The following ECPAS variants were observed in gnomAD, a reference collection of about 807,000 sequenced individuals.
ECPAS encodes proteasome adapter and scaffold protein ECM29.
Under a neutral mutation model 255.1 loss-of-function variants are expected in ECPAS, and 70 were observed. The observed-to-expected ratio is 0.27, with a 90% CI of 0.23 to 0.33. The LOEUF (loss-of-function observed/expected upper bound fraction) is 0.33, where lower values mean the gene tolerates loss of function less well. Ranked by LOEUF, ECPAS falls within the 10% of genes least tolerant of loss-of-function variation. The pLI is 1.00. For synonymous variants in ECPAS, 784 were observed against 775.0 expected, an observed-to-expected ratio of 1.01 and a Z score of -0.19; for missense variants, 1,817 against 2,206.4, an observed-to-expected ratio of 0.82 and a Z score of 3.54.
chr9:111,413,197 T>C (rs1239709053), intron 20 of ECPAS, among the ~76,000 whole-genome samples: 2 of 152,158 alleles, frequency 1.3e-5, no homozygotes, highest in African/African-American at 2.4e-5. Flanking sequence ...CTAAAACATA[T>C]ACTTCCTCAA....
intron 14 of ECPAS, 31 bp from the exon 15 acceptor site, chr9:111,422,074 T>C: frequency 6.2e-7 from 1 of 1,613,620 alleles, no homozygotes; most frequent in Non-Finnish European, 8.5e-7. Flanking sequence ...TTTCCCTCCT[T>C]GTTGGGTTCC....
At chr9:111,379,525 G>A (rs187542533) in intron 35 of ECPAS, among the ~76,000 whole-genome samples, 147 of 152,326 alleles carry the variant, frequency 9.7e-4, no homozygotes, top group Middle Eastern at 6.8e-3. Flanking sequence ...GAATGCTGGC[G>A]TGGCTGTCGT....
intron 24 of ECPAS, among the ~76,000 whole-genome samples, chr9:111,399,536 T>TA (rs1425931695): frequency 2.0e-5 from 3 of 152,170 alleles, no homozygotes; most frequent in Non-Finnish European, 4.4e-5. Flanking sequence ...AGGGAGCACT[T>TA]AGACCAAATC....
rs148496122 is a variant in ECPAS at position 111,372,810 on chromosome 9, T to C, written c.4337-190A>G. Among the ~76,000 whole-genome samples the C allele has an allele frequency of 3.1e-3, 468 of 152,274 alleles. 5 individuals carry two copies. Among genetic ancestry groups the C allele is most frequent in the African/African-American group, 9.9e-3 (411 of 41,562 alleles). On this transcript the variant is annotated intron_variant, in intron 41 of 49. Transcript: ENST00000684092. ...ACTTTGAGAGGCCAAGGTGAGCAGA[T>C]AGCTTGAGCTCGGGAGTTTAAGACC...
chr9:111,443,512 G>C (rs1426056392), intron 4 of ECPAS, among the ~76,000 whole-genome samples: 1 of 140,774 alleles, frequency 7.1e-6, no homozygotes, highest in Non-Finnish European at 1.6e-5. Context: ...ACCTCCCAAA[G>C]TGCTGGGATT....
intron 1 of ECPAS, 62 bp downstream of exon 1, chr9:111,484,054 G>A (rs974443073): frequency 1.8e-6 from 2 of 1,113,572 alleles, no homozygotes; most frequent in Non-Finnish European, 2.2e-6. Flanking sequence ...GGGCGGCCCG[G>A]CCTAACCGCG....
chr9:111,425,581 G>A, intron 11 of ECPAS, 85 bp from the exon 12 acceptor site: 1 of 1,086,972 alleles, frequency 9.2e-7, no homozygotes, highest in Non-Finnish European at 1.3e-6. Context: ...AATAATGAGA[G>A]ACATAACCGA....
At chr9:111,445,432 G>C (rs2098251604) in intron 3 of ECPAS, among the ~76,000 whole-genome samples, 1 of 151,972 alleles carries the variant, frequency 6.6e-6, no homozygotes, top group Admixed American at 6.6e-5. Flanking sequence ...ACAAGATACA[G>C]TGGGTTTCCA....
chr9:111,432,569 G>A (rs1272927492), intron 8 of ECPAS, among the ~76,000 whole-genome samples: 3 of 152,200 alleles, frequency 2.0e-5, no homozygotes, highest in African/African-American at 4.8e-5. Context: ...AGCTGAGATC[G>A]TGCCACTGCA....
intron 3 of ECPAS, among the ~76,000 whole-genome samples, chr9:111,451,185 A>C (rs546001150): frequency 6.6e-6 from 1 of 152,290 alleles, no homozygotes; most frequent in South Asian, 2.1e-4. Flanking sequence ...CAGGATAATT[A>C]TCTCAATTAT....
At chr9:111,410,856 T>C in intron 22 of ECPAS, 124 bp downstream of exon 22, 1 of 1,043,900 alleles carries the variant, frequency 9.6e-7, no homozygotes. Flanking sequence ...ATCAAGTAAG[T>C]TTTTTGTGAA....
At chr9:111,376,076 C>G (rs1355073855) in intron 37 of ECPAS, among the ~76,000 whole-genome samples, 2 of 152,186 alleles carry the variant, frequency 1.3e-5, no homozygotes, top group African/African-American at 4.8e-5. Flanking sequence ...ATTGCCCAAT[C>G]TCTTCACATA....
chr9:111,374,474 T>C (rs7018565), intron 38 of ECPAS, among the ~76,000 whole-genome samples: 2,810 of 152,256 alleles, frequency 0.018, 84 homozygotes, highest in African/African-American at 0.063. Flanking sequence ...CAGTGGAGTA[T>C]CATACGGCCA....
intron 22 of ECPAS, 110 bp downstream of exon 22, chr9:111,410,870 G>T: frequency 8.7e-7 from 1 of 1,146,784 alleles, no homozygotes; most frequent in South Asian, 1.6e-5. Context: ...TTGTGAAAAA[G>T]CTTGTGTCTT....
chr9:111,443,573 A>C (rs1434290467), intron 4 of ECPAS, among the ~76,000 whole-genome samples: 1 of 152,158 alleles, frequency 6.6e-6, no homozygotes, highest in Non-Finnish European at 1.5e-5. Flanking sequence ...TACTAAAGTA[A>C]ATGGGCTTCA....
chr9:111,433,258 C>T lies in ECPAS; in HGVS notation c.823G>A (p.Asp275Asn). 1 of 1,613,958 alleles carries T rather than the reference C, an allele frequency of 6.2e-7. No individual in the cohort carries two copies. The highest frequency in any genetic ancestry group is 8.5e-7 in the Non-Finnish European group (1 of 1,179,832). Reference protein sequence around the residue: ...DTRHSVATAADLELKSKQSLI... With the variant: ...DTRHSVATAANLELKSKQSLI... ...CTCTGTTTGCTTTTCAATTCCAGGT[C>T]TGCTGCCGTTGCCACACTGTGGCGT... Residue 275 changes from aspartate (D) to asparagine (N), a missense_variant, in exon 8 of 50, where the codon GAC becomes AAC. Asp to Asn is a conservative substitution (Grantham distance 23). Coordinates refer to ENST00000684092, the MANE Select transcript of ECPAS (RefSeq NM_001364929.1).
intron 23 of ECPAS, among the ~76,000 whole-genome samples, chr9:111,409,832 C>T (rs1005363928): frequency 6.6e-6 from 1 of 152,118 alleles, no homozygotes; most frequent in African/African-American, 2.4e-5. Flanking sequence ...ATTGGAATGA[C>T]TGGGCCAAAA....
Position 111,366,580 on chromosome 9 carries a change from G to A in ECPAS, c.5161C>T (p.Leu1721Phe), listed in dbSNP as rs536516411. 14 of 1,613,250 alleles carry A rather than the reference G, an allele frequency of 8.7e-6. No individual in the cohort carries two copies. In the South Asian group the frequency reaches 9.9e-5, roughly 11 times the overall value. ...CCTAGCTGCACTTTCCACGTGCTGA[G>A]TTTTAGCCGTTCACACATCAGTTTG... ...LCKLMCERLK[L>F]STWKVQLGVL... is the part of the protein sequence containing the mutation. Residue 1721 changes from leucine to phenylalanine, a missense_variant, in exon 47 of 50, where the codon CTC becomes TTC. Physicochemically the swap from Leu to Phe is conservative, Grantham distance 22. Transcript: ENST00000684092.
chr9:111,434,021 A>G (rs1182786021), intron 7 of ECPAS, among the ~76,000 whole-genome samples: 3 of 152,252 alleles, frequency 2.0e-5, no homozygotes, highest in African/African-American at 7.2e-5. Flanking sequence ...GATGCTATGA[A>G]TTTCACTACA....
Sources: gnomAD v4.1 joint callset for allele counts (sites outside exome capture counted in the v4.1 genomes callset) on GRCh38, gnomAD v4.1.1 for gene constraint, MANE v1.5 for transcripts, NCBI Gene and HGNC (gene_info 2026-07-23, HGNC 2026-07-21) for gene names.